PABIR3: variants seen among roughly 807,000 people sequenced by gnomAD.
PABIR3 encodes PABIR family member 3, also known as PABIR family member 1.
In PABIR3, 20 loss-of-function variants were observed where a neutral mutation model predicts 23.1. The observed-to-expected ratio is 0.86, with a 90% CI of 0.61 to 1.26. The LOEUF (loss-of-function observed/expected upper bound fraction) is 1.26, where lower values mean the gene tolerates loss of function less well. Ranked by LOEUF, PABIR3 falls within the 50% of genes most tolerant of loss-of-function variation. The pLI is 0.00. For missense variants in PABIR3, 189 were observed against 195.4 expected (o/e 0.97, Z 0.20); for synonymous variants, 69 against 68.5 (o/e 1.01, Z -0.04).
chrX:134,832,607 G>T (rs1000898393), intron 4 of PABIR3, among the ~76,000 whole-genome samples: 34 of 109,083 alleles, frequency 3.1e-4, no homozygotes, highest in African/African-American at 1.1e-3. Flanking sequence ...TCGCCATGTT[G>T]CCCAGGCTGG....
intron 4 of PABIR3, among the ~76,000 whole-genome samples, chrX:134,832,688 C>T (rs1482595441): frequency 9.0e-6 from 1 of 111,216 alleles, no homozygotes; most frequent in Non-Finnish European, 1.9e-5. Flanking sequence ...CAGGCGTGAG[C>T]CACCGTGCCC....
chrX:134,816,569 G>A (rs943026834), intron 3 of PABIR3, among the ~76,000 whole-genome samples: 2 of 110,829 alleles, frequency 1.8e-5, no homozygotes, highest in African/African-American at 3.3e-5. Flanking sequence ...TGATCCACCC[G>A]CCTTGGCCTC....
At chrX:134,813,649 C>G (rs182637961) in intron 2 of PABIR3, among the ~76,000 whole-genome samples, 1 of 111,417 alleles carries the variant, frequency 9.0e-6, no homozygotes, top group Non-Finnish European at 1.9e-5. Flanking sequence ...GAAAAGATGC[C>G]GGGCACCGCT....
intron 4 of PABIR3, among the ~76,000 whole-genome samples, chrX:134,838,442 T>C (rs1369629834): frequency 9.3e-6 from 1 of 107,843 alleles, no homozygotes; most frequent in Non-Finnish European, 1.9e-5. Context: ...GCCTCCCGTG[T>C]AGCTGGGACT....
chrX:134,848,407 C>CACTG (rs2148352258), intron 8 of PABIR3, among the ~76,000 whole-genome samples: 1 of 109,950 alleles, frequency 9.1e-6, no homozygotes, highest in African/African-American at 3.3e-5. Flanking sequence ...AAAAAAAAGT[C>CACTG]ACTGTTTCAG....
At position 134,854,341 on chromosome X, in the gene PABIR3, T is replaced by G; in HGVS notation, c.*124T>G. Reference sequence around the variant, plus strand: ...GTACTGTATAATTTAAACTATCTCCTATTTATCTTTTTTCCTCAATTTCCT... The same window carrying G: ...GTACTGTATAATTTAAACTATCTCCGATTTATCTTTTTTCCTCAATTTCCT... On this transcript the variant is annotated 3_prime_UTR_variant, in exon 11 of 11. Coordinates refer to ENST00000645433, the MANE Select transcript of PABIR3 (RefSeq NM_001388447.1). 1.3e-6 allele frequency: 1 copy of G among 779,934 alleles called. No individual in the cohort carries two copies. Among genetic ancestry groups the G allele is most frequent in the Non-Finnish European group, 1.7e-6 (1 of 591,548 alleles). 64.3% of individuals were successfully genotyped at this position (779,934 alleles called of 1,213,427 possible). A position where few individuals can be genotyped will look rare whatever the true frequency, so the allele number is the denominator to read the frequency against.
intron 4 of PABIR3, among the ~76,000 whole-genome samples, chrX:134,833,657 T>A (rs1246103147): frequency 9.0e-6 from 1 of 111,030 alleles, no homozygotes; most frequent in African/African-American, 3.3e-5. Context: ...TCATCTAGGT[T>A]CCCTCCCCTC....
intron 1 of PABIR3, among the ~76,000 whole-genome samples, chrX:134,798,504 C>G (rs1312864897): frequency 1.8e-5 from 2 of 111,946 alleles, no homozygotes; most frequent in African/African-American, 3.3e-5. Flanking sequence ...CACCTGGCCC[C>G]TTTCTCATTG....
intron 2 of PABIR3, chrX:134,808,264 A>G: frequency 3.4e-6 from 1 of 293,788 alleles, no homozygotes; most frequent in Non-Finnish European, 5.9e-6. Context: ...ATCTCAGCTT[A>G]CTGTAACCTC....
rs765384577 is a variant in PABIR3, at chrX:134,843,408, T to TA, written c.247-1785dup. On this transcript the variant is annotated intron_variant, in intron 4 of 10. Transcript: ENST00000645433. ...ATTTCGAGTGAATTTCTGCATAGGGTAAAAAAAAAAAAGGGGGTTCAACTT... is the reference window on the plus strand; with the variant it reads ...ATTTCGAGTGAATTTCTGCATAGGGTAAAAAAAAAAAAAGGGGGTTCAACTT... 6.4e-3 allele frequency among the ~76,000 whole-genome samples: 623 copies of TA among 96,618 alleles called. 6 individuals carry two copies. The highest frequency in any genetic ancestry group is 0.018 in the African/African-American group (482 of 26,681). The allele number at this position is 96,618 out of a possible 115,157, so 83.9% of individuals were successfully genotyped here. A position where few individuals can be genotyped will look rare whatever the true frequency, so the allele number is the denominator to read the frequency against.
rs1323226002 is a variant in PABIR3, at chrX:134,847,911, G to A, written c.467G>A (p.Cys156Tyr). The A allele has an allele frequency of 1.0e-5, 12 of 1,155,142 alleles. No individual in the cohort carries two copies. In the East Asian group the frequency reaches 3.6e-4, roughly 34 times the overall value. Reference sequence around the variant, plus strand: ...TGTTTCTCTCCATCATTACAAACTTGTGTGAGTTGCACTGGTTCGCCTTCA... The same window carrying A: ...TGTTTCTCTCCATCATTACAAACTTATGTGAGTTGCACTGGTTCGCCTTCA... ...KQCFSPSLQT[C>Y]VSCTGSPSSP... is the part of the protein sequence containing the mutation. The change falls in exon 8 of 11, where the codon TGT becomes TAT. Residue 156 changes from cysteine to tyrosine, a missense_variant. By Grantham distance (194) the Cys-to-Tyr change is radical. Transcript: ENST00000645433.
chrX:134,817,360 G>A (rs1037458150), intron 3 of PABIR3, among the ~76,000 whole-genome samples: 4 of 108,178 alleles, frequency 3.7e-5, no homozygotes, highest in Admixed American at 1.0e-4. Flanking sequence ...TCCATTCAAC[G>A]ATATTTGTTG....
upstream of PABIR3, among the ~76,000 whole-genome samples, chrX:134,804,874 G>A (rs1603120382): frequency 8.9e-6 from 1 of 112,197 alleles, no homozygotes; most frequent in South Asian, 3.7e-4. Context: ...TTTTATAAAC[G>A]TTCAGGTACC....
chrX:134,797,649 G>A (rs958688662), intron 1 of PABIR3, among the ~76,000 whole-genome samples: 1 of 110,636 alleles, frequency 9.0e-6, no homozygotes, highest in African/African-American at 3.3e-5. Flanking sequence ...ATGACAGTTC[G>A]TATAGCTAAT....
chrX:134,821,366 G>T, intron 3 of PABIR3: 1 of 1,149,672 alleles, frequency 8.7e-7, no homozygotes, highest in Non-Finnish European at 1.1e-6. Flanking sequence ...GAAGCCCAAA[G>T]ACCTCTTCTG....
At chrX:134,862,147 T>G in the PABIR3 span, among the ~76,000 whole-genome samples, 1 of 91,909 alleles carries the variant, frequency 1.1e-5, no homozygotes, top group Non-Finnish European at 2.2e-5. Flanking sequence ...TGGCTGTTTT[T>G]TTTTTTTTTT....
chrX:134,844,279 C>T (rs984310762), intron 4 of PABIR3: 44 of 111,233 alleles, frequency 4.0e-4, no homozygotes, highest in African/African-American at 1.4e-3. Flanking sequence ...TATGAATCCT[C>T]CAGCTTTGTG....
At chrX:134,852,579 C>T (rs1381463151) in intron 9 of PABIR3, among the ~76,000 whole-genome samples, 5 of 110,403 alleles carry the variant, frequency 4.5e-5, no homozygotes, top group East Asian at 5.6e-4. Flanking sequence ...ACATTATATA[C>T]GGTACAAACC....
At chrX:134,802,990 A>AG (rs2080106329), upstream of PABIR3, among the ~76,000 whole-genome samples, 1 of 112,274 alleles carries the variant, frequency 8.9e-6, no homozygotes, top group Non-Finnish European at 1.9e-5. Context: ...GTCCAACGAG[A>AG]GGTTGGAATT....
Sources: gnomAD v4.1 joint callset for allele counts (sites outside exome capture counted in the v4.1 genomes callset) on GRCh38, gnomAD v4.1.1 for gene constraint, MANE v1.5 for transcripts, NCBI Gene and HGNC (gene_info 2026-07-23, HGNC 2026-07-21) for gene names.